The following RDH14 variants were observed in gnomAD, a reference collection of about 807,000 sequenced individuals.
RDH14 encodes alcohol dehydrogenase PAN2.
Under a neutral mutation model 19.3 loss-of-function variants are expected in RDH14, and 17 were observed. The ratio of observed to expected loss-of-function variants is 0.88; its 90% CI spans 0.60 to 1.32. The LOEUF (loss-of-function observed/expected upper bound fraction) is 1.32. RDH14 is among the 40% of genes most tolerant of loss of function. The probability of loss-of-function intolerance (pLI) is 0.00; values close to 1 mark genes in which losing one functional copy is unlikely to be tolerated. For synonymous variants in RDH14, 215 were observed against 188.9 expected (o/e 1.14, Z -1.13); for missense variants, 534 against 449.2 (o/e 1.19, Z -1.71).
At chr2:18,556,398 T>C (rs1041280206) in intron 1 of RDH14, among the ~76,000 whole-genome samples, 8 of 152,328 alleles carry the variant, frequency 5.3e-5, no homozygotes, top group Non-Finnish European at 1.0e-4. Flanking sequence ...AGTGTACCTA[T>C]GATAAAATGT....
intron 1 of RDH14, among the ~76,000 whole-genome samples, chr2:18,558,631 C>G (rs910119456): frequency 6.6e-6 from 1 of 152,194 alleles, no homozygotes; most frequent in Non-Finnish European, 1.5e-5. Flanking sequence ...AAGTGCCAAA[C>G]AAAAGACAGA....
At position 18,560,405 on chromosome 2, in the gene RDH14, G is replaced by A. The variant is rs1427206199; in HGVS notation, c.168C>T (p.Gly56=). Residue 56 remains glycine (G), a synonymous_variant, in exon 1 of 2, where the codon GGC becomes GGT. Transcript: ENST00000381249. ...VLITGANSGL[G]RATAAELLRL... is the part of the protein sequence containing the mutation. ...GCAGTAGCTCGGCGGCCGTGGCGCG[G>A]CCCAGGCCGCTGTTCGCCCCGGTGA... The A allele has an allele frequency of 1.3e-6, 2 of 1,497,596 alleles. No homozygotes were observed. Among genetic ancestry groups the A allele is most frequent in the Non-Finnish European group, 8.8e-7 (1 of 1,132,652 alleles). 92.8% of individuals were successfully genotyped at this position (1,497,596 alleles called of 1,614,324 possible). A position where few individuals can be genotyped will look rare whatever the true frequency, so the allele number is the denominator to read the frequency against.
Position 18,555,519 on chromosome 2 carries a change from GT to G in RDH14, c.682del (p.Thr228ProfsTer4). Reference sequence around the variant, plus strand: ...TTCTAAGCGGCGGGCTAGTTCCCTGGTAAAAAGAATGTTAGCCAGTTTGCTC... The same window carrying G: ...TTCTAAGCGGCGGGCTAGTTCCCTGGAAAAAGAATGTTAGCCAGTTTGCTC... ...SRSKLANILFTRELARRLEGT... is the reference protein window; with the variant it reads ...SRSKLANILFXRELARRLEGT... On this transcript the variant is annotated frameshift_variant, in exon 2 of 2. Transcript: ENST00000381249. LOFTEE classifies it high-confidence loss of function. 1 of 1,614,134 alleles carries G rather than the reference GT, an allele frequency of 6.2e-7. No individual in the cohort carries two copies. The highest frequency in any genetic ancestry group is 8.5e-7 in the Non-Finnish European group (1 of 1,180,006).
rs531480266 is a variant in RDH14 at position 18,559,693 on chromosome 2, G to A, written c.393+487C>T. Among the ~76,000 whole-genome samples, 6 of 152,248 alleles carry A rather than the reference G, an allele frequency of 3.9e-5. No homozygotes were observed. In the South Asian group the frequency reaches 1.0e-3, roughly 26 times the overall value. On this transcript the variant is annotated intron_variant, in intron 1 of 1. Coordinates refer to ENST00000381249, the MANE Select transcript of RDH14 (RefSeq NM_020905.4). ...GTGCTGAGTTTACTGGTGGCAGCGA[G>A]CTCCTTACCCCAGCAGAAAAGGGGC...
Position 18,555,354 on chromosome 2 carries a change from G to A in RDH14, c.848C>T (p.Ala283Val), listed in dbSNP as rs748496321. Reference sequence around the variant, plus strand: ...AGAGGCCAAATAAATGGAAGTCTGGGCACCTTCTACTGGAGTTTTGAAAAA... The same window carrying A: ...AGAGGCCAAATAAATGGAAGTCTGGACACCTTCTACTGGAGTTTTGAAAAA... ...WAFFKTPVEG[A>V]QTSIYLASSP... Residue 283 changes from alanine to valine, a missense_variant, in exon 2 of 2, where the codon GCC becomes GTC. Physicochemically the swap from Ala to Val is moderately conservative, Grantham distance 64. Coordinates refer to ENST00000381249, the MANE Select transcript of RDH14 (RefSeq NM_020905.4). 18 of 1,613,992 alleles carry A rather than the reference G, an allele frequency of 1.1e-5. No homozygotes were observed. The East Asian group carries it at 4.0e-4, about 36-fold the overall frequency.
At chr2:18,555,875 CATG>C (rs1663903850) in intron 1 of RDH14, 67 bp from the exon 2 acceptor site, 5 of 1,503,078 alleles carry the variant, frequency 3.3e-6, no homozygotes, top group East Asian at 2.3e-5. Context: ...TTTTTCTGTT[CATG>C]ATAATTACAT....
Position 18,560,295 on chromosome 2 carries a change from T to TGGCGGAGCTCGC in RDH14, c.266_277dup (p.Arg89_Arg92dup). The TGGCGGAGCTCGC allele has an allele frequency of 1.1e-5, 16 of 1,482,770 alleles. No homozygotes were observed. Among genetic ancestry groups the TGGCGGAGCTCGC allele is most frequent in the Non-Finnish European group, 1.4e-5 (16 of 1,125,592 alleles). 91.9% of individuals were successfully genotyped at this position (1,482,770 alleles called of 1,614,324 possible). On this transcript the variant is annotated inframe_insertion, in exon 1 of 2. Coordinates refer to ENST00000381249, the MANE Select transcript of RDH14 (RefSeq NM_020905.4). ...AGGCTCTGGGCCGCACTCCGCGGCC[T>TGGCGGAGCTCGC]GGCGGAGCTCGCGGCGGAGCTGACC...
In RDH14 at chr2:18,555,315, T is replaced by C; in HGVS notation, c.887A>G (p.Glu296Gly). 1 of 1,614,084 alleles carries C rather than the reference T, an allele frequency of 6.2e-7. No homozygotes were observed. The highest frequency in any genetic ancestry group is 8.5e-7 in the Non-Finnish European group (1 of 1,179,974). ...CCCAAAGTATCTTCCTGACACTCCT[T>C]CTACCTCAGGTGAAGAGGCCAAATA... is the stretch of plus-strand genomic sequence containing the variant. ...SIYLASSPEVEGVSGRYFGDC... is the reference protein window; with the variant it reads ...SIYLASSPEVGGVSGRYFGDC... The change falls in exon 2 of 2, where the codon GAA becomes GGA. Residue 296 changes from glutamate (E) to glycine (G), a missense_variant. By Grantham distance (98) the Glu-to-Gly change is moderately conservative (BLOSUM62 -2). Transcript: ENST00000381249.
rs1434233117 is a variant in RDH14 at position 18,555,632 on chromosome 2, A to C, written c.570T>G (p.Val190=). 1.2e-6 allele frequency: 2 copies of C among 1,614,084 alleles called. No individual in the cohort carries two copies. The highest frequency in any genetic ancestry group is 4.5e-5 in the East Asian group (2 of 44,872). Residue 190 remains valine, a synonymous_variant, in exon 2 of 2, where the codon GTT becomes GTG. Transcript: ENST00000381249. ...CTCCGTATTTATAAAGTTTGGAAGA[A>C]ACTACCACAATCCTGCTGGGAGCTG... The part of the protein sequence containing the change: ...KSSAPSRIVV[V]SSKLYKYGDI...
intron 1 of RDH14, among the ~76,000 whole-genome samples, chr2:18,559,384 T>A (rs1664018401): frequency 6.6e-6 from 1 of 152,208 alleles, no homozygotes; most frequent in African/African-American, 2.4e-5. Flanking sequence ...ACAAGCAAGT[T>A]TCTTAGCCTT....
chr2:18,556,724 T>C (rs1243437693), intron 1 of RDH14, among the ~76,000 whole-genome samples: 1 of 152,160 alleles, frequency 6.6e-6, no homozygotes, highest in Non-Finnish European at 1.5e-5. Context: ...TCAAAACAGC[T>C]AGAGAGGCAA....
intron 1 of RDH14, among the ~76,000 whole-genome samples, chr2:18,558,813 C>T (rs1322892650): frequency 6.6e-6 from 1 of 152,178 alleles, no homozygotes; most frequent in East Asian, 1.9e-4. Flanking sequence ...TAATCAAAGA[C>T]CCAAAAGAAT....
At position 18,555,104 on chromosome 2, in the gene RDH14, C is replaced by T. The variant is rs375607315; in HGVS notation, c.*87G>A. 4.0e-5 allele frequency: 60 copies of T among 1,518,746 alleles called. No homozygotes were observed. The highest frequency in any genetic ancestry group is 2.3e-4 in the East Asian group (10 of 44,058). The allele number at this position is 1,518,746 out of a possible 1,614,324, so 94.1% of individuals were successfully genotyped here. A position where few individuals can be genotyped will look rare whatever the true frequency, so the allele number is the denominator to read the frequency against. On this transcript the variant is annotated 3_prime_UTR_variant, in exon 2 of 2. Coordinates refer to ENST00000381249, the MANE Select transcript of RDH14 (RefSeq NM_020905.4). ...TTCCAATATCAAAATTCTTTTTCTT[C>T]AAGTAACAAGTTCTCAATCCACACC...
rs750539913 is a variant in RDH14, at chr2:18,555,434, C to T, written c.768G>A (p.Arg256=). The T allele has an allele frequency of 3.1e-6, 5 of 1,614,098 alleles. No homozygotes were observed. Among genetic ancestry groups the T allele is most frequent in the Non-Finnish European group, 2.5e-6 (3 of 1,179,984 alleles). Residue 256 remains arginine (R), a synonymous_variant, in exon 2 of 2, where the codon AGG becomes AGA. Transcript: ENST00000381249. ...HPGIVRTNLG[R]HIHIPLLVKP... is the part of the protein sequence containing the mutation. ...TGACCAACAGTGGAATGTGTATGTGCCTCCCCAGATTTGTCCGTACAATAC... is the reference window on the plus strand; with the variant it reads ...TGACCAACAGTGGAATGTGTATGTGTCTCCCCAGATTTGTCCGTACAATAC...
chr2:18,555,180 A>G lies in RDH14; in HGVS notation c.*11T>C, dbSNP rs761479954. The G allele has an allele frequency of 6.2e-7, 1 of 1,610,008 alleles. No homozygotes were observed. The highest frequency in any genetic ancestry group is 8.5e-7 in the Non-Finnish European group (1 of 1,177,522). On this transcript the variant is annotated 3_prime_UTR_variant, in exon 2 of 2. Coordinates refer to ENST00000381249, the MANE Select transcript of RDH14 (RefSeq NM_020905.4). ...ATGCAGTTTTATAAACAGCTCTTTT[A>G]CTCCTTGTTCCTATTTTAGCAGGCC... is the stretch of plus-strand genomic sequence containing the variant.
intron 1 of RDH14, among the ~76,000 whole-genome samples, chr2:18,557,135 A>G (rs1477742828): frequency 6.6e-6 from 1 of 152,156 alleles, no homozygotes; most frequent in Non-Finnish European, 1.5e-5. Flanking sequence ...CTGTTCTCAT[A>G]GGGAAGTCTT....
Position 18,555,241 on chromosome 2 carries a change from C to A in RDH14, c.961G>T (p.Ala321Ser), listed in dbSNP as rs746228340. 1.2e-6 allele frequency: 2 copies of A among 1,613,958 alleles called. No individual in the cohort carries two copies. The highest frequency in any genetic ancestry group is 1.7e-6 in the Non-Finnish European group (2 of 1,179,958). Residue 321 changes from alanine (A) to serine (S), a missense_variant, in exon 2 of 2, where the codon GCA (alanine) becomes TCA (serine). Ala to Ser is a moderately conservative substitution (Grantham distance 99). Coordinates refer to ENST00000381249, the MANE Select transcript of RDH14 (RefSeq NM_020905.4). Reference protein sequence around the residue: ...LLPKAMDESVARKLWDISEVM... With the variant: ...LLPKAMDESVSRKLWDISEVM... The stretch of plus-strand genomic sequence containing the variant: ...TCACTGATATCCCAGAGTTTTCTTG[C>A]AACAGATTCATCCATAGCTTTGGGC...
rs1414600138 is a variant in RDH14 at position 18,555,607 on chromosome 2, C to T, written c.595G>A (p.Asp199Asn). The stretch of plus-strand genomic sequence containing the variant: ...CTGTTCAAGTCATCAAAATTGATGT[C>T]TCCGTATTTATAAAGTTTGGAAGAA... ...VVSSKLYKYG[D>N]INFDDLNSEQ... Residue 199 changes from aspartate to asparagine, a missense_variant, in exon 2 of 2, where the codon GAC becomes AAC. By Grantham distance (23) the Asp-to-Asn change is conservative. Transcript: ENST00000381249. 1 of 1,614,052 alleles carries T rather than the reference C, an allele frequency of 6.2e-7. No homozygotes were observed.
rs1226702310 is a variant in RDH14, at chr2:18,560,193, T to G, written c.380A>C (p.Gln127Pro). 2 of 1,527,726 alleles carry G rather than the reference T, an allele frequency of 1.3e-6. No homozygotes were observed. Among genetic ancestry groups the G allele is most frequent in the Non-Finnish European group, 1.7e-6 (2 of 1,143,968 alleles). 94.6% of individuals were successfully genotyped at this position (1,527,726 alleles called of 1,614,324 possible). A position where few individuals can be genotyped will look rare whatever the true frequency, so the allele number is the denominator to read the frequency against. Residue 127 changes from glutamine to proline, a missense_variant, in exon 1 of 2, where the codon CAG becomes CCG. By Grantham distance (76) the Gln-to-Pro change is moderately conservative. Transcript: ENST00000381249. ...ASLRSVRAFC[Q>P]EMLQEEPRLD... Reference sequence around the variant, plus strand: ...CGAGGCCCACACCTGGAGCATTTCCTGGCAGAAGGCGCGCACCGAGCGCAG... The same window carrying G: ...CGAGGCCCACACCTGGAGCATTTCCGGGCAGAAGGCGCGCACCGAGCGCAG...
Sources: gnomAD v4.1 joint callset for allele counts (sites outside exome capture counted in the v4.1 genomes callset) on GRCh38, gnomAD v4.1.1 for gene constraint, MANE v1.5 for transcripts, NCBI Gene and HGNC (gene_info 2026-07-23, HGNC 2026-07-21) for gene names.